Variants in NRXN1 observed in about 807,000 individuals in gnomAD.
The protein encoded by NRXN1 is neurexin 1.
NRXN1 carries 39 observed loss-of-function variants against 150.9 expected under a neutral mutation model. That is an observed-to-expected ratio of 0.26 (90% confidence interval 0.20 to 0.34). The LOEUF (loss-of-function observed/expected upper bound fraction) is 0.34. Ranked by LOEUF, NRXN1 falls within the 10% of genes least tolerant of loss-of-function variation. NRXN1 has a pLI of 1.00. For synonymous variants in NRXN1, 924 were observed against 757.0 expected (o/e 1.22, Z -3.62); for missense variants, 1,815 against 1,949.9 (o/e 0.93, Z 1.30).
chr2:50,605,451 C>G (rs1186945731), intron 8 of NRXN1, among the ~76,000 whole-genome samples: 1 of 152,046 alleles, frequency 6.6e-6, no homozygotes, highest in Non-Finnish European at 1.5e-5. Flanking sequence ...ACAACAATAA[C>G]CCAATTAAAA....
chr2:50,908,177 T>C (rs1684002302), intron 5 of NRXN1, among the ~76,000 whole-genome samples: 1 of 152,032 alleles, frequency 6.6e-6, no homozygotes, highest in Non-Finnish European at 1.5e-5. Flanking sequence ...TGATTGAAGG[T>C]AGAATTGAAT....
At chr2:50,031,685 G>T (rs1689199741) in intron 21 of NRXN1, among the ~76,000 whole-genome samples, 1 of 152,052 alleles carries the variant, frequency 6.6e-6, no homozygotes, top group Non-Finnish European at 1.5e-5. Context: ...AATGCAATTT[G>T]TCTCATCCAA....
chr2:50,071,273 C>T (rs1000599494), intron 19 of NRXN1, among the ~76,000 whole-genome samples: 4 of 152,104 alleles, frequency 2.6e-5, no homozygotes, highest in Non-Finnish European at 5.9e-5. Flanking sequence ...TGTTGGTAAT[C>T]GCCACACAAG....
At chr2:50,579,562 T>C (rs1219917761) in intron 8 of NRXN1, among the ~76,000 whole-genome samples, 1 of 152,160 alleles carries the variant, frequency 6.6e-6, no homozygotes, top group Non-Finnish European at 1.5e-5. Context: ...GGTGGGAGGA[T>C]CGCTTAACTC....
intron 5 of NRXN1, among the ~76,000 whole-genome samples, chr2:50,633,394 G>C (rs1016850934): frequency 6.6e-6 from 1 of 152,096 alleles, no homozygotes; most frequent in African/African-American, 2.4e-5. Context: ...GTAGAGGAGA[G>C]GGTAATAAAT....
At chr2:50,166,276 CGTATGTGTGTGTGT>C (rs1458334886) in intron 18 of NRXN1, among the ~76,000 whole-genome samples, 1 of 119,184 alleles carries the variant, frequency 8.4e-6, no homozygotes. Context: ...GAGTACTCAA[CGTATGTGTGTGTGT>C]GTGTGTGTGT....
intron 21 of NRXN1, among the ~76,000 whole-genome samples, chr2:50,051,336 T>C (rs1354998861): frequency 2.0e-5 from 3 of 152,060 alleles, no homozygotes; most frequent in Non-Finnish European, 4.4e-5. Context: ...ACCTGGTTTA[T>C]ATAGGAGATT....
At chr2:50,369,990 GTA>G (rs1183796540) in intron 17 of NRXN1, among the ~76,000 whole-genome samples, 1 of 151,994 alleles carries the variant, frequency 6.6e-6, no homozygotes, top group Non-Finnish European at 1.5e-5. Flanking sequence ...AAAGGTAAAT[GTA>G]TCTCTTCATA....
chr2:50,134,273 G>GAAAAAAAAAAAAAAAAAAAAAAAA (rs59985780), intron 18 of NRXN1, among the ~76,000 whole-genome samples: 1 of 96,466 alleles, frequency 1.0e-5, no homozygotes. Flanking sequence ...AAAGTAACCA[G>GAAAAAAAAAAAAAAAAAAAAAAAA]AAAAAAAAAA....
chr2:50,538,683 G>A (rs2093323588), intron 9 of NRXN1, 47 bp from the exon 10 acceptor site: 4 of 1,383,732 alleles, frequency 2.9e-6, no homozygotes, highest in Non-Finnish European at 3.8e-6. Flanking sequence ...AAGCACCAAC[G>A]TGTTATAATT....
chr2:50,892,784 A>G (rs1386449336), intron 5 of NRXN1, among the ~76,000 whole-genome samples: 1 of 152,190 alleles, frequency 6.6e-6, no homozygotes, highest in Non-Finnish European at 1.5e-5. Flanking sequence ...CATATTATAT[A>G]TTGGAGCAGC....
intron 17 of NRXN1, among the ~76,000 whole-genome samples, chr2:50,434,374 G>A (rs1458986972): frequency 1.3e-5 from 2 of 151,894 alleles, no homozygotes; most frequent in Non-Finnish European, 2.9e-5. Context: ...GAGCCACCTC[G>A]CCCGGCCATC....
chr2:50,448,551 C>T (rs1018951316), intron 17 of NRXN1, among the ~76,000 whole-genome samples: 1 of 152,106 alleles, frequency 6.6e-6, no homozygotes, highest in South Asian at 2.1e-4. Flanking sequence ...ATTAGGAAAC[C>T]CTGAGCTTCC....
chr2:50,250,571 T>C (rs1359056874), intron 17 of NRXN1, among the ~76,000 whole-genome samples: 1 of 152,106 alleles, frequency 6.6e-6, no homozygotes, highest in Admixed American at 6.6e-5. Context: ...AGGTCAGTGT[T>C]AAAAAGAGAT....
chr2:50,952,829 C>A (rs1159367967), intron 2 of NRXN1, among the ~76,000 whole-genome samples: 2 of 152,112 alleles, frequency 1.3e-5, no homozygotes, highest in Non-Finnish European at 1.5e-5. Flanking sequence ...AGCTTCAACC[C>A]TACCCTCCCA....
At chr2:50,620,688 G>A (rs1222823684) in intron 7 of NRXN1, among the ~76,000 whole-genome samples, 3 of 152,154 alleles carry the variant, frequency 2.0e-5, no homozygotes, top group Admixed American at 1.3e-4. Flanking sequence ...CATGCCAAAG[G>A]GAGAGAAAAG....
intron 5 of NRXN1, among the ~76,000 whole-genome samples, chr2:50,773,538 A>T (rs183610946): frequency 6.7e-4 from 102 of 152,248 alleles, no homozygotes; most frequent in Non-Finnish European, 1.1e-3. Context: ...CATAGGAGGG[A>T]ATCAATAAGA....
At chr2:50,552,245 A>G (rs1667643588) in intron 9 of NRXN1, among the ~76,000 whole-genome samples, 1 of 152,176 alleles carries the variant, frequency 6.6e-6, no homozygotes, top group Non-Finnish European at 1.5e-5. Flanking sequence ...CAAACATCCA[A>G]TAACATAAGA....
intron 18 of NRXN1, among the ~76,000 whole-genome samples, chr2:50,164,523 T>C (rs1245870060): frequency 6.6e-6 from 1 of 152,204 alleles, no homozygotes; most frequent in Non-Finnish European, 1.5e-5. Flanking sequence ...GTACACACAG[T>C]GCAGCCAGAA....
Sources: gnomAD v4.1 joint callset for allele counts (sites outside exome capture counted in the v4.1 genomes callset) on GRCh38, gnomAD v4.1.1 for gene constraint, MANE v1.5 for transcripts, NCBI Gene and HGNC (gene_info 2026-07-23, HGNC 2026-07-21) for gene names.